SNAP91: variants seen among roughly 807,000 people sequenced by gnomAD.
SNAP91 encodes the protein clathrin coat assembly protein AP180.
SNAP91 carries 27 observed loss-of-function variants against 100.3 expected under a neutral mutation model. That is an observed-to-expected ratio of 0.27 (90% CI 0.20 to 0.37). The LOEUF (loss-of-function observed/expected upper bound fraction) is 0.37, where lower values mean the gene tolerates loss of function less well. Ranked by LOEUF, SNAP91 falls within the 10% of genes least tolerant of loss-of-function variation. The probability of loss-of-function intolerance (pLI) is 1.00; values close to 1 mark genes in which losing one functional copy is unlikely to be tolerated. For missense variants in SNAP91, 986 were observed against 1,123.7 expected (o/e 0.88, Z 1.75); for synonymous variants, 404 against 398.6 (o/e 1.01, Z -0.16).
chr6:83,641,297 T>A, intron 7 of SNAP91, 95 bp from the exon 8 acceptor site: 1 of 560,126 alleles, frequency 1.8e-6, no homozygotes, highest in Non-Finnish European at 3.0e-6. Context: ...ACTTAATTAA[T>A]GTTTGAATCA....
chr6:83,639,780 G>A (rs758843456), intron 8 of SNAP91, among the ~76,000 whole-genome samples: 11 of 151,978 alleles, frequency 7.2e-5, no homozygotes, highest in Non-Finnish European at 1.5e-4. Flanking sequence ...TGAGAAACTG[G>A]GATGAATGTA....
Position 83,661,535 on chromosome 6 carries a change from T to C in SNAP91, c.419A>G (p.Gln140Arg), listed in dbSNP as rs367885907. The C allele has an allele frequency of 7.0e-5, 112 of 1,610,714 alleles. No homozygotes were observed. The highest frequency in any genetic ancestry group is 5.1e-6 in the Non-Finnish European group (6 of 1,178,498). ...CACCCTGGCAAAATCAAAGGCCATC[T>C]GTCTGTAAGAAAAAGCCTTTTCATT... ...YLNEKAFSYR[Q>R]MAFDFARVKK... Residue 140 changes from glutamine (Q) to arginine (R), a missense_variant, in exon 5 of 30, where the codon CAG becomes CGG. Physicochemically the swap from Gln to Arg is conservative, Grantham distance 43. Coordinates refer to ENST00000369694, the MANE Select transcript of SNAP91 (RefSeq NM_001242792.2).
At chr6:83,587,823 A>G (rs2093004792) in intron 22 of SNAP91, among the ~76,000 whole-genome samples, 1 of 152,162 alleles carries the variant, frequency 6.6e-6, no homozygotes, top group Non-Finnish European at 1.5e-5. Context: ...ATAGAATTAT[A>G]TTAATATTCC....
At position 83,556,138 on chromosome 6, in the gene SNAP91, G is replaced by A; in HGVS notation, c.*10+5C>T. ...AGCCTACAGGAAAAGCTCAATATTAGATACCTTAAATTGTTTACAAGAAAT... is the reference window on the plus strand; with the variant it reads ...AGCCTACAGGAAAAGCTCAATATTAAATACCTTAAATTGTTTACAAGAAAT... On this transcript the variant is annotated splice_donor_5th_base_variant and intron_variant, in intron 29 of 29. Coordinates refer to ENST00000369694, the MANE Select transcript of SNAP91 (RefSeq NM_001242792.2). The A allele has an allele frequency of 1.3e-6, 2 of 1,494,382 alleles. No homozygotes were observed. The highest frequency in any genetic ancestry group is 1.2e-5 in the South Asian group (1 of 82,960). 92.6% of individuals were successfully genotyped at this position (1,494,382 alleles called of 1,614,324 possible). A position where few individuals can be genotyped will look rare whatever the true frequency, so the allele number is the denominator to read the frequency against.
intron 7 of SNAP91, among the ~76,000 whole-genome samples, chr6:83,644,801 T>C (rs1018367697): frequency 3.9e-5 from 6 of 152,182 alleles, no homozygotes; most frequent in African/African-American, 1.4e-4. Flanking sequence ...ACATTAGGTG[T>C]AAAGTATTGG....
chr6:83,603,441 C>A (rs1361744840), intron 14 of SNAP91, among the ~76,000 whole-genome samples: 2 of 151,812 alleles, frequency 1.3e-5, no homozygotes, highest in Admixed American at 1.3e-4. Context: ...GTTGCTCAGG[C>A]TGGACTCTTA....
At chr6:83,646,571 C>A (rs2097923754) in intron 7 of SNAP91, among the ~76,000 whole-genome samples, 1 of 152,052 alleles carries the variant, frequency 6.6e-6, no homozygotes, top group Admixed American at 6.6e-5. Flanking sequence ...TTTGTCTATT[C>A]TTTTGCCAAT....
At chr6:83,659,700 G>C (rs981414157) in intron 5 of SNAP91, among the ~76,000 whole-genome samples, 9 of 151,990 alleles carry the variant, frequency 5.9e-5, no homozygotes, top group Admixed American at 2.0e-4. Context: ...CCAAAGTGCT[G>C]AGACTATAGC....
intron 8 of SNAP91, among the ~76,000 whole-genome samples, chr6:83,632,507 G>T (rs2097251017): frequency 1.3e-5 from 2 of 152,100 alleles, no homozygotes; most frequent in Admixed American, 1.3e-4. Context: ...GAATTCTCTT[G>T]TTCCTCAGGA....
At chr6:83,667,785 C>G (rs2098713841) in intron 2 of SNAP91, among the ~76,000 whole-genome samples, 1 of 152,052 alleles carries the variant, frequency 6.6e-6, no homozygotes, top group South Asian at 2.1e-4. Flanking sequence ...GACTTCATGT[C>G]TAAAACACCA....
At chr6:83,608,985 T>C (rs557137061) in intron 12 of SNAP91, among the ~76,000 whole-genome samples, 5 of 152,288 alleles carry the variant, frequency 3.3e-5, no homozygotes, top group African/African-American at 9.6e-5. Context: ...ATGTCATCCA[T>C]TGGGAACACT....
chr6:83,662,046 T>A (rs1303270510), intron 4 of SNAP91, among the ~76,000 whole-genome samples: 2 of 152,152 alleles, frequency 1.3e-5, no homozygotes, highest in Non-Finnish European at 2.9e-5. Context: ...TCACTTTTTT[T>A]AATTGAGAAG....
At chr6:83,708,585 C>G (rs1320415363) in intron 1 of SNAP91, 43 of 152,444 alleles carry the variant, frequency 2.8e-4, no homozygotes, top group Admixed American at 2.8e-3. Flanking sequence ...CGCCCGGGCC[C>G]CTTCCCCCCG....
chr6:83,596,762 A>AT (rs987461477), intron 16 of SNAP91, among the ~76,000 whole-genome samples: 9 of 59,902 alleles, frequency 1.5e-4, no homozygotes, highest in Admixed American at 5.4e-4. Flanking sequence ...TCAATTAAAG[A>AT]TTTTTTTTTT....
chr6:83,616,861 G>A, intron 10 of SNAP91, 108 bp downstream of exon 10: 1 of 708,114 alleles, frequency 1.4e-6, no homozygotes, highest in Non-Finnish European at 2.2e-6. Flanking sequence ...TTATAACAAA[G>A]CATACCCTAA....
chr6:83,679,712 GTT>G (rs2098961117), intron 2 of SNAP91, among the ~76,000 whole-genome samples: 1 of 152,140 alleles, frequency 6.6e-6, no homozygotes, highest in Non-Finnish European at 1.5e-5. Flanking sequence ...AGAACTTTAT[GTT>G]TTTAATCCTT....
chr6:83,608,286 A>C (rs2095774644), intron 12 of SNAP91, among the ~76,000 whole-genome samples: 1 of 152,178 alleles, frequency 6.6e-6, no homozygotes. Context: ...TCACAGTTGG[A>C]AGAGAACGAT....
chr6:83,636,063 T>C (rs531902313), intron 8 of SNAP91, among the ~76,000 whole-genome samples: 3 of 152,220 alleles, frequency 2.0e-5, no homozygotes, highest in Admixed American at 6.5e-5. Context: ...GTTCCTTTTA[T>C]AGGTGATTTG....
At chr6:83,605,214 T>C (rs2095534621) in intron 14 of SNAP91, among the ~76,000 whole-genome samples, 1 of 152,128 alleles carries the variant, frequency 6.6e-6, no homozygotes, top group Non-Finnish European at 1.5e-5. Context: ...AGATTTCAAC[T>C]GTATGAAGTC....
Sources: gnomAD v4.1 joint callset for allele counts (sites outside exome capture counted in the v4.1 genomes callset) on GRCh38, gnomAD v4.1.1 for gene constraint, MANE v1.5 for transcripts, NCBI Gene and HGNC (gene_info 2026-07-23, HGNC 2026-07-21) for gene names.